The following FRMD3 variants were observed in gnomAD, a reference collection of about 807,000 sequenced individuals.
FRMD3 encodes FERM domain-containing protein 3.
In FRMD3, 33 loss-of-function variants were observed where a neutral mutation model predicts 70.2. The ratio of observed to expected loss-of-function variants is 0.47; its 90% confidence interval spans 0.36 to 0.63. The LOEUF (loss-of-function observed/expected upper bound fraction) is 0.63, where lower values mean the gene tolerates loss of function less well. FRMD3 is among the 20% of genes least tolerant of loss of function. FRMD3 has a pLI of 0.00. For missense variants in FRMD3, 632 were observed against 711.4 expected, an observed-to-expected ratio of 0.89 and a Z score of 1.27; for synonymous variants, 279 against 255.9, an observed-to-expected ratio of 1.09 and a Z score of -0.86.
At chr9:83,361,723 G>A (rs1824591094) in intron 3 of FRMD3, among the ~76,000 whole-genome samples, 1 of 152,174 alleles carries the variant, frequency 6.6e-6, no homozygotes, top group Non-Finnish European at 1.5e-5. Flanking sequence ...TATTAGGTTA[G>A]GGTGGTCCCT....
At chr9:83,518,436 T>A (rs1564113908) in intron 1 of FRMD3, among the ~76,000 whole-genome samples, 1 of 152,114 alleles carries the variant, frequency 6.6e-6, no homozygotes, top group Non-Finnish European at 1.5e-5. Context: ...TTACAAGGGA[T>A]ATGAAGGACC....
intron 1 of FRMD3, among the ~76,000 whole-genome samples, chr9:83,443,732 G>A (rs1461131800): frequency 2.0e-5 from 3 of 152,106 alleles, no homozygotes; most frequent in African/African-American, 7.2e-5. Context: ...CCCCACAATT[G>A]TTGAAGCAGT....
chr9:83,460,407 T>C (rs914595726), intron 1 of FRMD3, among the ~76,000 whole-genome samples: 2 of 152,176 alleles, frequency 1.3e-5, no homozygotes, highest in Non-Finnish European at 2.9e-5. Context: ...CTATCATCTA[T>C]ACTTTAAGTT....
At chr9:83,362,141 TG>T (rs1479909210) in intron 3 of FRMD3, among the ~76,000 whole-genome samples, 3 of 152,026 alleles carry the variant, frequency 2.0e-5, no homozygotes, top group African/African-American at 7.3e-5. Flanking sequence ...ATGAGACCTG[TG>T]GCTTTACACC....
At chr9:83,393,806 G>T (rs1825735437) in intron 1 of FRMD3, among the ~76,000 whole-genome samples, 1 of 152,140 alleles carries the variant, frequency 6.6e-6, no homozygotes, top group African/African-American at 2.4e-5. Context: ...CTTCTTGCTT[G>T]CCCGCAGCTC....
chr9:83,342,546 T>C (rs181089693), intron 5 of FRMD3, among the ~76,000 whole-genome samples: 1 of 152,256 alleles, frequency 6.6e-6, no homozygotes, highest in Admixed American at 6.5e-5. Context: ...AAGATTCAAA[T>C]GGTGGTGTGA....
the FRMD3 span, among the ~76,000 whole-genome samples, chr9:83,581,860 G>A: frequency 6.6e-6 from 1 of 152,182 alleles, no homozygotes; most frequent in South Asian, 2.1e-4. Flanking sequence ...ATTCTTTTAT[G>A]TGAAATGTCC....
chr9:83,340,225 T>A (rs566331841), intron 5 of FRMD3, among the ~76,000 whole-genome samples: 1 of 152,094 alleles, frequency 6.6e-6, no homozygotes, highest in African/African-American at 2.4e-5. Flanking sequence ...AGTGCCCCGA[T>A]TCATTTCAGG....
At chr9:83,567,811 A>C in the FRMD3 span, among the ~76,000 whole-genome samples, 4 of 152,202 alleles carry the variant, frequency 2.6e-5, no homozygotes, top group Non-Finnish European at 5.9e-5. Flanking sequence ...TATCACTATC[A>C]GCATTTTTGT....
chr9:83,574,640 G>A, the FRMD3 span, among the ~76,000 whole-genome samples: 7 of 152,264 alleles, frequency 4.6e-5, no homozygotes, highest in Admixed American at 3.3e-4. Flanking sequence ...GGGGCCACAC[G>A]TGGGAAACTA....
intron 3 of FRMD3, 26 bp from the exon 4 acceptor site, chr9:83,349,783 G>C (rs762388393): frequency 1.3e-6 from 2 of 1,559,326 alleles, no homozygotes; most frequent in Non-Finnish European, 1.8e-6. Flanking sequence ...GAAAAGGCAT[G>C]AGAAAAGCAG....
chr9:83,479,665 AAG>A (rs1564096704), intron 1 of FRMD3, among the ~76,000 whole-genome samples: 7 of 57,500 alleles, frequency 1.2e-4, no homozygotes, highest in Middle Eastern at 7.2e-3. Context: ...GGAAGGAAGG[AAG>A]GAAGGAAAGA....
intron 2 of FRMD3, among the ~76,000 whole-genome samples, chr9:83,382,290 T>G (rs1347048354): frequency 1.3e-5 from 2 of 152,194 alleles, no homozygotes; most frequent in African/African-American, 4.8e-5. Flanking sequence ...AACTTTTATT[T>G]TAAGTTCAAG....
At chr9:83,527,633 A>G (rs1221110343) in intron 1 of FRMD3, among the ~76,000 whole-genome samples, 1 of 152,162 alleles carries the variant, frequency 6.6e-6, no homozygotes, top group Non-Finnish European at 1.5e-5. Context: ...GTCAAATTTC[A>G]GGGCCCTTCC....
At chr9:83,502,021 T>G (rs962055015) in intron 1 of FRMD3, among the ~76,000 whole-genome samples, 1 of 152,252 alleles carries the variant, frequency 6.6e-6, no homozygotes, top group Non-Finnish European at 1.5e-5. Flanking sequence ...ATTAACTTGT[T>G]TTATTTATCT....
upstream of FRMD3, among the ~76,000 whole-genome samples, chr9:83,539,020 C>CA (rs1166247996): frequency 6.6e-6 from 1 of 152,128 alleles, no homozygotes; most frequent in Non-Finnish European, 1.5e-5. Context: ...TCTCTTTCTC[C>CA]AAAAAAGAGC....
At chr9:83,559,871 T>C in the FRMD3 span, among the ~76,000 whole-genome samples, 1 of 152,090 alleles carries the variant, frequency 6.6e-6, no homozygotes, top group South Asian at 2.1e-4. Context: ...TTTAGAAGTT[T>C]AATACTTGTT....
At chr9:83,272,821 G>A (rs1318446146) in intron 13 of FRMD3, among the ~76,000 whole-genome samples, 3 of 150,132 alleles carry the variant, frequency 2.0e-5, no homozygotes, top group Non-Finnish European at 4.4e-5. Flanking sequence ...GAGCGCCTCT[G>A]CCCGGCCACG....
upstream of FRMD3, among the ~76,000 whole-genome samples, chr9:83,539,148 T>C (rs1210525812): frequency 6.6e-6 from 1 of 152,092 alleles, no homozygotes; most frequent in East Asian, 1.9e-4. Flanking sequence ...TTTACAGACC[T>C]CCTCCAGTTC....
Sources: gnomAD v4.1 joint callset for allele counts (sites outside exome capture counted in the v4.1 genomes callset) on GRCh38, gnomAD v4.1.1 for gene constraint, MANE v1.5 for transcripts, NCBI Gene and HGNC (gene_info 2026-07-23, HGNC 2026-07-21) for gene names.